The following PCDHGB4 variants were observed in gnomAD, a reference collection of about 807,000 sequenced individuals.
The protein encoded by PCDHGB4 is protocadherin gamma-B4.
In PCDHGB4, 38 loss-of-function variants were observed where a neutral mutation model predicts 60.5. The observed-to-expected ratio is 0.63, with a 90% CI of 0.48 to 0.82. The LOEUF (loss-of-function observed/expected upper bound fraction) is 0.82, where lower values mean the gene tolerates loss of function less well. PCDHGB4 is among the 40% of genes least tolerant of loss of function. PCDHGB4 has a pLI of 0.00. For synonymous variants in PCDHGB4, 456 were observed against 509.7 expected, an observed-to-expected ratio of 0.89 and a Z score of 1.42; for missense variants, 1,109 against 1,209.6, an observed-to-expected ratio of 0.92 and a Z score of 1.23.
chr5:141,490,890 G>C lies in PCDHGB4; in HGVS notation c.2398-3917G>C, dbSNP rs751713801. The C allele has an allele frequency of 9.9e-6, 16 of 1,613,306 alleles. No homozygotes were observed. The South Asian group carries it at 1.2e-4, about 12-fold the overall frequency. On this transcript the variant is annotated intron_variant, in intron 1 of 3. Transcript: ENST00000519479. This position sits in a 1 kb window ranked among gnomAD's most constrained non-coding sequence, Gnocchi z 5.4. ...CCCCATTGCATGCCAACACATCTCT[G>C]CATGTGTTTGTCCTAGACGAGAATG...
chr5:141,477,519 A>C lies in PCDHGB4; in HGVS notation c.2398-17288A>C, dbSNP rs1255751458. 1 of 1,614,174 alleles carries C rather than the reference A, an allele frequency of 6.2e-7. No individual in the cohort carries two copies. The highest frequency in any genetic ancestry group is 2.2e-5 in the East Asian group (1 of 44,882). Reference sequence around the variant, plus strand: ...TCTTCCTACGACGTTTACATTGAAGAAAACAACCTCCCCGGGGCTCCAATA... The same window carrying C: ...TCTTCCTACGACGTTTACATTGAAGCAAACAACCTCCCCGGGGCTCCAATA... On this transcript the variant is annotated intron_variant, in intron 1 of 3. Transcript: ENST00000519479. The surrounding 1 kb of genome is among the most constrained non-coding windows in gnomAD (Gnocchi z 4.9).
chr5:141,418,822 A>C (rs780172404), intron 1 of PCDHGB4: 9 of 1,613,988 alleles, frequency 5.6e-6, no homozygotes, highest in Non-Finnish European at 7.6e-6. Flanking sequence ...ACATAGAAGC[A>C]AAAGACCGAG....
chr5:141,488,158 G>A (rs534297140), intron 1 of PCDHGB4, among the ~76,000 whole-genome samples: 4 of 152,328 alleles, frequency 2.6e-5, no homozygotes, highest in South Asian at 2.1e-4. Context: ...AGAGAGGCAC[G>A]CATCAGAGTG....
At chr5:141,408,051 C>A in intron 1 of PCDHGB4, 3 of 1,264,368 alleles carry the variant, frequency 2.4e-6, no homozygotes, top group Non-Finnish European at 3.2e-6. Context: ...CCACACAGAG[C>A]CTCCCGGCTG....
At position 141,432,195 on chromosome 5, in the gene PCDHGB4, C is replaced by G; in HGVS notation, c.2397+41914C>G. 1 of 1,614,206 alleles carries G rather than the reference C, an allele frequency of 6.2e-7. No individual in the cohort carries two copies. The highest frequency in any genetic ancestry group is 8.5e-7 in the Non-Finnish European group (1 of 1,180,050). On this transcript the variant is annotated intron_variant, in intron 1 of 3. Transcript: ENST00000519479. The surrounding 1 kb of genome is among the most constrained non-coding windows in gnomAD (Gnocchi z 6.0). ...CTCGTCTCTGTGACCGCCCACGACC[C>G]CGACTGTGAAGAGAACGCCCAGATC...
chr5:141,400,071 G>A (rs2093956056), intron 1 of PCDHGB4: 1 of 1,613,824 alleles, frequency 6.2e-7, no homozygotes, highest in African/African-American at 1.3e-5. Flanking sequence ...GTGGACAGCC[G>A]CCACTCTCCG....
chr5:141,427,703 C>A (rs529490424), intron 1 of PCDHGB4: 2 of 957,514 alleles, frequency 2.1e-6, no homozygotes, highest in African/African-American at 1.6e-5. Flanking sequence ...CACAAGTCAG[C>A]GCCTCTGACC....
chr5:141,441,442 C>G (rs938839707), intron 1 of PCDHGB4: 1 of 160,500 alleles, frequency 6.2e-6, no homozygotes, highest in African/African-American at 2.4e-5. Context: ...CTCGTCCAGC[C>G]CAAGCATCAC....
chr5:141,410,464 G>A, intron 1 of PCDHGB4: 1 of 1,613,994 alleles, frequency 6.2e-7, no homozygotes, highest in South Asian at 1.1e-5. Context: ...CTTATAATCT[G>A]TGCATTGCAC....
intron 1 of PCDHGB4, chr5:141,400,209 G>C: frequency 3.1e-6 from 5 of 1,614,052 alleles, no homozygotes; most frequent in Non-Finnish European, 4.2e-6. Context: ...CCTTGGCCTT[G>C]ATCTCAGTGC....
Position 141,493,508 on chromosome 5 carries a change from C to T in PCDHGB4, c.2398-1299C>T, listed in dbSNP as rs2099748607. 1.3e-5 allele frequency among the ~76,000 whole-genome samples: 2 copies of T among 152,284 alleles called. No homozygotes were observed. The highest frequency in any genetic ancestry group is 4.1e-4 in the South Asian group (2 of 4,820). On this transcript the variant is annotated intron_variant, in intron 1 of 3. Transcript: ENST00000519479. The surrounding 1 kb of genome is among the most constrained non-coding windows in gnomAD (Gnocchi z 4.3). Reference sequence around the variant, plus strand: ...TCTTCTGTGGCTCCTCATTTCTGAGCAGTCCCCGCAGCGCAAACTTGGCCA... The same window carrying T: ...TCTTCTGTGGCTCCTCATTTCTGAGTAGTCCCCGCAGCGCAAACTTGGCCA...
intron 1 of PCDHGB4, chr5:141,393,918 T>C: frequency 6.2e-7 from 1 of 1,613,982 alleles, no homozygotes; most frequent in Non-Finnish European, 8.5e-7. Context: ...AATTGCCTTC[T>C]TGAGTGTGCA....
At chr5:141,403,491 T>A in intron 1 of PCDHGB4, 1 of 1,614,010 alleles carries the variant, frequency 6.2e-7, no homozygotes, top group South Asian at 1.1e-5. Context: ...CACTTCTCCC[T>A]GAACGTGCAG....
chr5:141,421,945 AT>A (rs1473318347), intron 1 of PCDHGB4: 1 of 1,613,342 alleles, frequency 6.2e-7, no homozygotes, highest in Non-Finnish European at 8.5e-7. Flanking sequence ...AAATGATCAC[AT>A]CCCAATGTTT....
intron 1 of PCDHGB4, chr5:141,419,682 T>C (rs758536078): frequency 6.2e-7 from 1 of 1,612,950 alleles, no homozygotes; most frequent in Non-Finnish European, 8.5e-7. Flanking sequence ...TCCTACCACG[T>C]GGTGCAGGCC....
chr5:141,459,579 T>G (rs1047850142), intron 1 of PCDHGB4, among the ~76,000 whole-genome samples: 2 of 152,212 alleles, frequency 1.3e-5, no homozygotes, highest in African/African-American at 4.8e-5. Context: ...AGAATTGTTT[T>G]GGGGGTCATA....
chr5:141,487,529 A>G lies in PCDHGB4; in HGVS notation c.2398-7278A>G, dbSNP rs772843725. ...TGCACCCACTCGGAGTGATAGCTTCATGATGGTGAAGTCACCCAGTGCACC... is the reference window on the plus strand; with the variant it reads ...TGCACCCACTCGGAGTGATAGCTTCGTGATGGTGAAGTCACCCAGTGCACC... On this transcript the variant is annotated intron_variant, in intron 1 of 3. Coordinates refer to ENST00000519479, the MANE Select transcript of PCDHGB4 (RefSeq NM_003736.4). The surrounding 1 kb of genome is among the most constrained non-coding windows in gnomAD (Gnocchi z 5.0). The G allele has an allele frequency of 2.0e-5, 32 of 1,614,168 alleles. No individual in the cohort carries two copies. Among genetic ancestry groups the G allele is most frequent in the Non-Finnish European group, 2.5e-5 (29 of 1,180,040 alleles).
Position 141,431,278 on chromosome 5 carries a change from C to A in PCDHGB4, c.2397+40997C>A, listed in dbSNP as rs755533628. On this transcript the variant is annotated intron_variant, in intron 1 of 3. Transcript: ENST00000519479. The surrounding 1 kb of genome is among the most constrained non-coding windows in gnomAD (Gnocchi z 4.8). ...ACTCTCTGCAGAGCTACGAGCTCAG[C>A]CCGAACACTCACTTCTCCCTCATCG... 6.2e-7 allele frequency: 1 copy of A among 1,614,170 alleles called. No individual in the cohort carries two copies. The highest frequency in any genetic ancestry group is 8.5e-7 in the Non-Finnish European group (1 of 1,180,038).
intron 1 of PCDHGB4, among the ~76,000 whole-genome samples, chr5:141,474,357 T>G (rs185194067): frequency 2.0e-4 from 30 of 152,302 alleles, no homozygotes; most frequent in African/African-American, 6.5e-4. Context: ...AAGTCATGTC[T>G]CAGTAGGTCT....
Sources: gnomAD v4.1 joint callset for allele counts (sites outside exome capture counted in the v4.1 genomes callset) on GRCh38, gnomAD v4.1.1 for gene constraint, Gnocchi (gnomAD v3.1) non-coding constraint, MANE v1.5 for transcripts, NCBI Gene and HGNC (gene_info 2026-07-23, HGNC 2026-07-21) for gene names.